The following FRRS1 variants were observed in gnomAD, a reference collection of about 807,000 sequenced individuals.
The protein encoded by FRRS1 is ferric chelate reductase 1.
Under a neutral mutation model 70.7 loss-of-function variants are expected in FRRS1, and 51 were observed. The observed-to-expected ratio is 0.72, with a 90% confidence interval of 0.58 to 0.91. FRRS1 has a LOEUF of 0.91. Among genes scored for constraint, FRRS1 ranks in the 40% least tolerant of loss-of-function variants. The pLI, the probability that FRRS1 is intolerant of heterozygous loss-of-function variation, is 0.00. For missense variants in FRRS1, 672 were observed against 726.0 expected (o/e 0.93, Z 0.86); for synonymous variants, 225 against 238.7 (o/e 0.94, Z 0.53).
chr1:99,746,292 G>C (rs916721403), intron 4 of FRRS1, among the ~76,000 whole-genome samples: 1 of 152,144 alleles, frequency 6.6e-6, no homozygotes, highest in African/African-American at 2.4e-5. Context: ...GATTGTCAAC[G>C]CTATGGAAGA....
intron 9 of FRRS1, among the ~76,000 whole-genome samples, chr1:99,727,214 A>ACTGG (rs1303515506): frequency 6.6e-6 from 1 of 152,310 alleles, no homozygotes; most frequent in Non-Finnish European, 1.5e-5. Context: ...TTAGCCACTG[A>ACTGG]CTGGCACTCA....
At chr1:99,753,956 T>C (rs1331685728) in intron 1 of FRRS1, among the ~76,000 whole-genome samples, 1 of 152,180 alleles carries the variant, frequency 6.6e-6, no homozygotes, top group Non-Finnish European at 1.5e-5. Context: ...AAAGATATAC[T>C]ACATTAACAC....
At chr1:99,741,010 G>GAA in intron 5 of FRRS1, 70 bp from the exon 6 acceptor site, 8 of 1,207,010 alleles carry the variant, frequency 6.6e-6, no homozygotes, top group Non-Finnish European at 9.2e-6. Flanking sequence ...AACGTTAAAG[G>GAA]AAAAAAAAAA....
At chr1:99,763,611 G>GTAATC (rs1657212560) in intron 1 of FRRS1, among the ~76,000 whole-genome samples, 1 of 152,128 alleles carries the variant, frequency 6.6e-6, no homozygotes, top group South Asian at 2.1e-4. Context: ...GCTGACACCT[G>GTAATC]TAATCCCAGC....
chr1:99,762,269 C>T (rs925508838), intron 1 of FRRS1, among the ~76,000 whole-genome samples: 2 of 152,108 alleles, frequency 1.3e-5, no homozygotes, highest in Non-Finnish European at 2.9e-5. Flanking sequence ...ACTCCATAAG[C>T]GTTAGTTTTT....
chr1:99,726,964 C>T (rs780051486), intron 9 of FRRS1, among the ~76,000 whole-genome samples: 2 of 152,178 alleles, frequency 1.3e-5, no homozygotes, highest in Non-Finnish European at 2.9e-5. Flanking sequence ...ATCCACCTGT[C>T]TGGATCTTTC....
rs1654482143 is a variant in FRRS1, at chr1:99,715,624, A to T, written c.1285T>A (p.Phe429Ile). The change falls in exon 12 of 17, where the codon TTT (phenylalanine) becomes ATT (isoleucine). Residue 429 changes from phenylalanine (F) to isoleucine (I), a missense_variant. Physicochemically the swap from Phe to Ile is conservative, Grantham distance 21. Coordinates refer to ENST00000646001, the MANE Select transcript of FRRS1 (RefSeq NM_001361041.2). Reference protein sequence around the residue: ...FTTTVLTCIAFVMPFIYRGGW... With the variant: ...FTTTVLTCIAIVMPFIYRGGW... ...CCCCTGTATATAAACGGCATAACAA[A>T]AGCAATGCAGGTGAGGACAGTTGTG... 1.2e-6 allele frequency: 2 copies of T among 1,613,186 alleles called. No homozygotes were observed. The highest frequency in any genetic ancestry group is 2.7e-5 in the African/African-American group (2 of 74,922).
chr1:99,745,566 C>T (rs1656214816), intron 4 of FRRS1, among the ~76,000 whole-genome samples: 1 of 152,042 alleles, frequency 6.6e-6, no homozygotes, highest in South Asian at 2.1e-4. Context: ...CGCCTATAAT[C>T]CCAGCTACTC....
rs548745167 is a variant in FRRS1, at chr1:99,746,273, G to A, written c.333+1021C>T. Among the ~76,000 whole-genome samples, 19 of 152,280 alleles carry A rather than the reference G, an allele frequency of 1.2e-4. 1 individual carries two copies. The South Asian group carries it at 1.9e-3, about 15-fold the overall frequency. On this transcript the variant is annotated intron_variant, in intron 4 of 16. Transcript: ENST00000646001. ...GTAAGGCTCTTTACACACAGTACTCGATGGAAACGATTGTCAACGCTATGG... is the reference window on the plus strand; with the variant it reads ...GTAAGGCTCTTTACACACAGTACTCAATGGAAACGATTGTCAACGCTATGG...
chr1:99,731,434 T>C (rs533396296), intron 7 of FRRS1, among the ~76,000 whole-genome samples: 1 of 152,234 alleles, frequency 6.6e-6, no homozygotes, highest in African/African-American at 2.4e-5. Flanking sequence ...AAAGTAATTA[T>C]GTACTGTTAC....
At chr1:99,723,649 A>G (rs1654943764) in intron 9 of FRRS1, among the ~76,000 whole-genome samples, 1 of 152,240 alleles carries the variant, frequency 6.6e-6, no homozygotes, top group African/African-American at 2.4e-5. Context: ...AACCTATTAT[A>G]AAGCAATAGC....
intron 1 of FRRS1, among the ~76,000 whole-genome samples, chr1:99,759,359 T>C (rs914667203): frequency 6.6e-6 from 1 of 152,190 alleles, no homozygotes; most frequent in African/African-American, 2.4e-5. Context: ...AGCTGACACT[T>C]ACTGAAAATA....
chr1:99,718,338 G>C (rs12739696), intron 10 of FRRS1, among the ~76,000 whole-genome samples: 7,054 of 152,004 alleles, frequency 0.046, 271 homozygotes, highest in South Asian at 0.16. Flanking sequence ...TTTGTTTTTT[G>C]TTTTTTGGGG....
chr1:99,732,610 T>G (rs575684965), intron 7 of FRRS1, among the ~76,000 whole-genome samples: 2 of 152,160 alleles, frequency 1.3e-5, no homozygotes, highest in Non-Finnish European at 2.9e-5. Flanking sequence ...ATTTTCCAAG[T>G]TGAAGGACTT....
At chr1:99,711,119 G>T (rs1379663586) in intron 14 of FRRS1, among the ~76,000 whole-genome samples, 170 bp from the exon 15 acceptor site, 1 of 152,194 alleles carries the variant, frequency 6.6e-6, no homozygotes. Context: ...TATAAGGCTA[G>T]ATAGGGCAAG....
chr1:99,754,323 T>C (rs560975263), intron 1 of FRRS1, among the ~76,000 whole-genome samples: 2 of 152,142 alleles, frequency 1.3e-5, no homozygotes, highest in East Asian at 1.9e-4. Flanking sequence ...AATAAGTAAG[T>C]AAATAAATAG....
rs1655997652 is a variant in FRRS1 at position 99,742,172 on chromosome 1, T to C, written c.428+7A>G. ...CCTGGCCCAGAATTATAAACTCTTA[T>C]ACTCACAGAAACTGTGTGTGATTTG... On this transcript the variant is annotated splice_region_variant and intron_variant, in intron 5 of 16. Transcript: ENST00000646001. 2 of 1,560,950 alleles carry C rather than the reference T, an allele frequency of 1.3e-6. No individual in the cohort carries two copies. The highest frequency in any genetic ancestry group is 1.8e-6 in the Non-Finnish European group (2 of 1,131,570).
intron 13 of FRRS1, 78 bp from the exon 14 acceptor site, chr1:99,712,241 A>C: frequency 9.4e-7 from 1 of 1,068,172 alleles, no homozygotes; most frequent in Non-Finnish European, 1.4e-6. Context: ...AAAAGCATGT[A>C]ATTTCCTTAT....
rs370528376 is a variant in FRRS1 at position 99,710,954 on chromosome 1, A to G, written c.1481-5T>C. The stretch of plus-strand genomic sequence containing the variant: ...TTCCCAGGAACATCGCTGCCACTAC[A>G]TACAAAAGAAAAAAGTTACATTCAA... On this transcript the variant is annotated splice_polypyrimidine_tract_variant and splice_region_variant and intron_variant, in intron 14 of 16. Transcript: ENST00000646001. The G allele has an allele frequency of 6.5e-5, 105 of 1,610,574 alleles. No individual in the cohort carries two copies. The African/African-American group carries it at 9.7e-4, about 15-fold the overall frequency.
Sources: gnomAD v4.1 joint callset for allele counts (sites outside exome capture counted in the v4.1 genomes callset) on GRCh38, gnomAD v4.1.1 for gene constraint, MANE v1.5 for transcripts, NCBI Gene and HGNC (gene_info 2026-07-23, HGNC 2026-07-21) for gene names.